FRMD5: variants seen among roughly 807,000 people sequenced by gnomAD.
FRMD5 encodes FERM domain-containing protein 5.
FRMD5 carries 20 observed loss-of-function variants against 69.0 expected under a neutral mutation model. That is an observed-to-expected ratio of 0.29 (90% CI 0.20 to 0.42). The LOEUF is 0.42. Among genes scored for constraint, FRMD5 ranks in the 10% least tolerant of loss-of-function variants. The probability of loss-of-function intolerance (pLI) is 1.00; values close to 1 mark genes in which losing one functional copy is unlikely to be tolerated. For missense variants in FRMD5, 595 were observed against 708.6 expected, an observed-to-expected ratio of 0.84 and a Z score of 1.82; for synonymous variants, 271 against 260.1, an observed-to-expected ratio of 1.04 and a Z score of -0.40.
intron 7 of FRMD5, among the ~76,000 whole-genome samples, chr15:43,901,584 T>C (rs1177392419): frequency 1.3e-5 from 2 of 152,020 alleles, no homozygotes; most frequent in African/African-American, 4.8e-5. Flanking sequence ...AGAGAGAGAC[T>C]GGAAGGGGCC....
chr15:44,191,924 A>G (rs533289874), intron 1 of FRMD5, among the ~76,000 whole-genome samples: 1 of 42,434 alleles, frequency 2.4e-5, no homozygotes, highest in Admixed American at 2.5e-4. Flanking sequence ...TATATATATT[A>G]TATATATATA....
chr15:44,002,551 G>A (rs577531544), intron 1 of FRMD5, among the ~76,000 whole-genome samples: 22 of 152,140 alleles, frequency 1.4e-4, no homozygotes, highest in African/African-American at 4.6e-4. Context: ...CCTTTTAAGG[G>A]CTTACAACTC....
At chr15:44,158,348 G>T (rs1174595071) in intron 1 of FRMD5, among the ~76,000 whole-genome samples, 2 of 152,134 alleles carry the variant, frequency 1.3e-5, no homozygotes, top group African/African-American at 4.8e-5. Flanking sequence ...CTTAAGCCCT[G>T]TCTAGTACCT....
At chr15:44,046,310 G>A (rs1321417056) in intron 1 of FRMD5, among the ~76,000 whole-genome samples, 1 of 152,138 alleles carries the variant, frequency 6.6e-6, no homozygotes, top group Non-Finnish European at 1.5e-5. Flanking sequence ...AGCTACAAAT[G>A]TGCTAATACC....
At chr15:44,000,138 T>A (rs1890147039) in intron 1 of FRMD5, among the ~76,000 whole-genome samples, 1 of 151,504 alleles carries the variant, frequency 6.6e-6, no homozygotes, top group South Asian at 2.1e-4. Context: ...ACTATAGGCA[T>A]GCACCATGCC....
intron 1 of FRMD5, among the ~76,000 whole-genome samples, chr15:44,106,207 A>T (rs1225345378): frequency 6.6e-6 from 1 of 152,202 alleles, no homozygotes; most frequent in Non-Finnish European, 1.5e-5. Context: ...ATACCCAATA[A>T]TTAAAATTAT....
At chr15:44,028,128 T>C (rs961307220) in intron 1 of FRMD5, among the ~76,000 whole-genome samples, 6 of 152,160 alleles carry the variant, frequency 3.9e-5, no homozygotes, top group Non-Finnish European at 8.8e-5. Context: ...GAGAAAAATA[T>C]AATCTATGAC....
intron 1 of FRMD5, among the ~76,000 whole-genome samples, chr15:44,096,854 G>T (rs1393505877): frequency 6.6e-6 from 1 of 152,144 alleles, no homozygotes; most frequent in Non-Finnish European, 1.5e-5. Flanking sequence ...TCACACAGGG[G>T]TACTACTCAC....
chr15:44,196,151 G>A (rs1040042215), upstream of FRMD5, among the ~76,000 whole-genome samples: 1 of 152,164 alleles, frequency 6.6e-6, no homozygotes, highest in Admixed American at 6.5e-5. Flanking sequence ...GATTTTTGAT[G>A]TGAGGAAATG....
intron 1 of FRMD5, among the ~76,000 whole-genome samples, chr15:43,987,287 T>G (rs1332878414): frequency 6.6e-6 from 1 of 152,228 alleles, no homozygotes; most frequent in African/African-American, 2.4e-5. Flanking sequence ...CTAGGCATCT[T>G]GTGCCAGTTA....
intron 1 of FRMD5, among the ~76,000 whole-genome samples, chr15:44,189,985 A>G (rs2078167412): frequency 6.6e-6 from 1 of 152,200 alleles, no homozygotes; most frequent in Admixed American, 6.5e-5. Context: ...AAAACCACTG[A>G]GGTGGTTGGC....
At chr15:43,992,808 A>G (rs1889748882) in intron 1 of FRMD5, among the ~76,000 whole-genome samples, 1 of 152,146 alleles carries the variant, frequency 6.6e-6, no homozygotes, top group Non-Finnish European at 1.5e-5. Flanking sequence ...ACTCAGGCTC[A>G]AGTGGTCCTC....
At chr15:44,016,583 C>A (rs1047039713) in intron 1 of FRMD5, among the ~76,000 whole-genome samples, 1 of 152,002 alleles carries the variant, frequency 6.6e-6, no homozygotes, top group African/African-American at 2.4e-5. Flanking sequence ...ATTAGCCAGG[C>A]ATGTTGGCAT....
intron 1 of FRMD5, among the ~76,000 whole-genome samples, chr15:44,008,142 A>G (rs534177949): frequency 2.3e-5 from 3 of 129,156 alleles, no homozygotes; most frequent in African/African-American, 9.0e-5. Context: ...TATGTTGCCC[A>G]GGCTGGTCTC....
intron 1 of FRMD5, among the ~76,000 whole-genome samples, chr15:44,074,604 G>A (rs920297216): frequency 2.0e-5 from 3 of 151,500 alleles, no homozygotes; most frequent in Admixed American, 6.6e-5. Context: ...CTCACCCCCC[G>A]GGTTCAAGTG....
Position 44,150,716 on chromosome 15 carries a change from A to G in FRMD5, c.102+44237T>C, listed in dbSNP as rs368382047. ...AGATGAAGCAGGATTGTTTGAGTCC[A>G]GGAACTCAAGGCTGCAGTGAGCCAT... On this transcript the variant is annotated intron_variant, in intron 1 of 13. Coordinates refer to ENST00000417257, the MANE Select transcript of FRMD5 (RefSeq NM_032892.5). 7.3e-5 allele frequency among the ~76,000 whole-genome samples: 11 copies of G among 151,724 alleles called. No individual in the cohort carries two copies. The East Asian group carries it at 1.7e-3, about 24-fold the overall frequency.
chr15:44,137,613 G>A (rs2077206144), intron 1 of FRMD5, among the ~76,000 whole-genome samples: 1 of 152,078 alleles, frequency 6.6e-6, no homozygotes, highest in African/African-American at 2.4e-5. Context: ...GGTTAAAACA[G>A]ATGCTAAATT....
intron 1 of FRMD5, among the ~76,000 whole-genome samples, chr15:44,127,617 T>C (rs1179478206): frequency 6.6e-6 from 1 of 152,264 alleles, no homozygotes; most frequent in East Asian, 1.9e-4. Flanking sequence ...TCACAACCCG[T>C]AATGCCAGCA....
intron 7 of FRMD5, among the ~76,000 whole-genome samples, chr15:43,893,440 C>A (rs1001664453): frequency 2.6e-4 from 40 of 152,100 alleles, no homozygotes; most frequent in African/African-American, 9.2e-4. Flanking sequence ...TCCTCACTTG[C>A]GAAAGTGAGC....
Sources: allele counts gnomAD v4.1 joint callset (sites outside exome capture counted in the v4.1 genomes callset), GRCh38; gene constraint gnomAD v4.1.1; transcripts MANE v1.5; gene names NCBI Gene and HGNC (gene_info 2026-07-23, HGNC 2026-07-21).